The following NUCB2 variants were observed in gnomAD, a reference collection of about 807,000 sequenced individuals.
NUCB2 encodes the protein nucleobindin-2.
In NUCB2, 48 loss-of-function variants were observed where a neutral mutation model predicts 57.9. The observed-to-expected ratio is 0.83, with a 90% CI of 0.66 to 1.05. The LOEUF (loss-of-function observed/expected upper bound fraction) is 1.05, where lower values mean the gene tolerates loss of function less well. NUCB2 is among the 50% of genes least tolerant of loss of function. The pLI is 0.00. For synonymous variants in NUCB2, 139 were observed against 152.1 expected, an observed-to-expected ratio of 0.91 and a Z score of 0.64; for missense variants, 442 against 476.2, an observed-to-expected ratio of 0.93 and a Z score of 0.67.
rs564841895 is a variant in NUCB2, at chr11:17,328,685, T to G, written c.1003-1442T>G. Among the ~76,000 whole-genome samples the G allele has an allele frequency of 6.6e-5, 10 of 152,246 alleles. No individual in the cohort carries two copies. The South Asian group carries it at 1.7e-3, about 25-fold the overall frequency. On this transcript the variant is annotated intron_variant, in intron 11 of 13. Transcript: ENST00000529010. Reference sequence around the variant, plus strand: ...CTTGCGGTAAATGCTGCCAGGCCTTTACCCTTCAGGGAAGTGGGCTCCCCT... The same window carrying G: ...CTTGCGGTAAATGCTGCCAGGCCTTGACCCTTCAGGGAAGTGGGCTCCCCT...
chr11:17,331,386 A>G (rs771207369), intron 13 of NUCB2, 26 bp from the exon 14 acceptor site: 2 of 1,380,688 alleles, frequency 1.4e-6, no homozygotes, highest in Admixed American at 2.6e-5. Flanking sequence ...CTTTTAAAAT[A>G]AGAACTTTTT....
chr11:17,314,404 C>T (rs1948947018), intron 10 of NUCB2, among the ~76,000 whole-genome samples: 1 of 152,102 alleles, frequency 6.6e-6, no homozygotes. Context: ...ATCCCAAATC[C>T]CTCCTATTTC....
intron 4 of NUCB2, among the ~76,000 whole-genome samples, chr11:17,300,160 G>A (rs1946463574): frequency 6.6e-6 from 1 of 151,890 alleles, no homozygotes; most frequent in Admixed American, 6.6e-5. Context: ...GCAGGCATGT[G>A]CCACCACACC....
intron 2 of NUCB2, among the ~76,000 whole-genome samples, chr11:17,345,907 T>C (rs924920161): frequency 6.6e-6 from 1 of 152,204 alleles, no homozygotes; most frequent in Non-Finnish European, 1.5e-5. Context: ...CTTTATATAA[T>C]TTTTGTTACA....
chr11:17,293,539 C>T (rs1945300110), intron 2 of NUCB2, among the ~76,000 whole-genome samples: 1 of 152,148 alleles, frequency 6.6e-6, no homozygotes, highest in African/African-American at 2.4e-5. Flanking sequence ...CAATTCTACT[C>T]CTAGTTATAT....
intron 2 of NUCB2, among the ~76,000 whole-genome samples, chr11:17,338,166 C>T (rs1025544887): frequency 6.6e-6 from 1 of 152,042 alleles, no homozygotes; most frequent in Non-Finnish European, 1.5e-5. Context: ...GAGACAAAAG[C>T]AAATCAAAAC....
intron 11 of NUCB2, among the ~76,000 whole-genome samples, chr11:17,321,661 T>G (rs1950036641): frequency 6.6e-6 from 1 of 152,204 alleles, no homozygotes; most frequent in Admixed American, 6.5e-5. Context: ...TTTTAATTTT[T>G]TGAGGAACTT....
chr11:17,318,158 G>T (rs1241808545), intron 11 of NUCB2, among the ~76,000 whole-genome samples: 1 of 151,770 alleles, frequency 6.6e-6, no homozygotes, highest in Non-Finnish European at 1.5e-5. Flanking sequence ...GAGACCACAG[G>T]CATGCACCAC....
At chr11:17,301,667 A>C in intron 4 of NUCB2, 77 bp from the exon 5 acceptor site, 1 of 998,182 alleles carries the variant, frequency 1.0e-6, no homozygotes, top group East Asian at 2.4e-5. Context: ...ATGTATTGTA[A>C]CCCTGTTTTT....
At chr11:17,346,613 C>A (rs569541438) in intron 2 of NUCB2, among the ~76,000 whole-genome samples, 15 of 152,230 alleles carry the variant, frequency 9.9e-5, no homozygotes, top group African/African-American at 3.6e-4. Context: ...GTGGAAAGTC[C>A]TGGACTGGGT....
chr11:17,330,992 TTTTG>T lies in NUCB2; in HGVS notation c.1255+14_1255+17del. On this transcript the variant is annotated intron_variant, in intron 13 of 13. Coordinates refer to ENST00000529010, the MANE Select transcript of NUCB2 (RefSeq NM_005013.4). This position sits in a 1 kb window ranked among gnomAD's most constrained non-coding sequence, Gnocchi z 4.3. ...ATTGAAGTTTGAGCCACGTGTGTAA[TTTTG>T]TTTGATTATTTATTTAGGAAAATAA... 4 of 1,533,976 alleles carry T rather than the reference TTTTG, an allele frequency of 2.6e-6. No homozygotes were observed. The highest frequency in any genetic ancestry group is 3.6e-6 in the Non-Finnish European group (4 of 1,115,086).
chr11:17,307,369 G>T (rs1405190097), intron 5 of NUCB2, among the ~76,000 whole-genome samples: 1 of 150,862 alleles, frequency 6.6e-6, no homozygotes, highest in Non-Finnish European at 1.5e-5. Flanking sequence ...GTCCAGGCTG[G>T]TCTTGTACTC....
intron 5 of NUCB2, 38 bp from the exon 6 acceptor site, chr11:17,309,534 A>G (rs1392216284): frequency 8.8e-7 from 1 of 1,137,000 alleles, no homozygotes; most frequent in South Asian, 1.4e-5. Flanking sequence ...TCTAGCTTCT[A>G]GAAATTGATC....
At chr11:17,282,260 T>A (rs59242134) in intron 1 of NUCB2, among the ~76,000 whole-genome samples, 1,450 of 54,654 alleles carry the variant, frequency 0.027, 18 homozygotes, top group South Asian at 0.04. Context: ...ATATATATAT[T>A]TTTTTTTTTT....
At position 17,330,186 on chromosome 11, in the gene NUCB2, T is replaced by C; in HGVS notation, c.1062T>C (p.Ile354=). The C allele has an allele frequency of 6.3e-7, 1 of 1,593,598 alleles. No homozygotes were observed. The highest frequency in any genetic ancestry group is 8.6e-7 in the Non-Finnish European group (1 of 1,163,164). The change falls in exon 12 of 14, where the codon ATT becomes ATC. Residue 354 remains isoleucine (I), a synonymous_variant. Coordinates refer to ENST00000529010, the MANE Select transcript of NUCB2 (RefSeq NM_005013.4). This position sits in a 1 kb window ranked among gnomAD's most constrained non-coding sequence, Gnocchi z 4.3. ...AACTAAAAGAATATGAAAATATTATTGCTTTACAAGAAAATGAACTTAAGA... is the reference window on the plus strand; with the variant it reads ...AACTAAAAGAATATGAAAATATTATCGCTTTACAAGAAAATGAACTTAAGA... ...EEELKEYENI[I]ALQENELKKK... is the part of the protein sequence containing the mutation.
At chr11:17,347,133 G>A (rs1335341981) in intron 2 of NUCB2, among the ~76,000 whole-genome samples, 2 of 152,348 alleles carry the variant, frequency 1.3e-5, no homozygotes, top group Non-Finnish European at 1.5e-5. Context: ...AAGTACATTG[G>A]TTTGGCCTGG....
chr11:17,343,123 C>A (rs1952427597), intron 2 of NUCB2, among the ~76,000 whole-genome samples: 1 of 151,844 alleles, frequency 6.6e-6, no homozygotes, highest in Non-Finnish European at 1.5e-5. Context: ...TTATCAGAGA[C>A]TAGGATTGCA....
intron 2 of NUCB2, among the ~76,000 whole-genome samples, chr11:17,287,264 C>G (rs951532947): frequency 2.6e-5 from 4 of 152,026 alleles, no homozygotes; most frequent in African/African-American, 9.7e-5. Context: ...CCCAGGAAAT[C>G]AAATTTGCAG....
At chr11:17,328,564 T>G (rs1428016566) in intron 11 of NUCB2, among the ~76,000 whole-genome samples, 1 of 152,114 alleles carries the variant, frequency 6.6e-6, no homozygotes, top group Non-Finnish European at 1.5e-5. Context: ...CAGAGGACCC[T>G]CTCCCTGTGG....
Sources: allele counts gnomAD v4.1 joint callset (sites outside exome capture counted in the v4.1 genomes callset), GRCh38; gene constraint gnomAD v4.1.1; non-coding constraint Gnocchi (gnomAD v3.1); transcripts MANE v1.5; gene names NCBI Gene and HGNC (gene_info 2026-07-23, HGNC 2026-07-21).